The following IAPP variants were observed in gnomAD, a reference collection of about 807,000 sequenced individuals.
IAPP encodes islet amyloid polypeptide.
A neutral mutation model predicts 2.9 loss-of-function variants in IAPP; 4 were observed. That is an observed-to-expected ratio of 1.39 (90% CI 0.69 to 3.19). The LOEUF is 3.19. IAPP is among the 30% of genes most tolerant of loss of function. The pLI is 0.01. For missense variants in IAPP, 114 were observed against 105.3 expected (o/e 1.08, Z -0.36); for synonymous variants, 40 against 42.1 (o/e 0.95, Z 0.19).
At position 21,379,931 on chromosome 12, in the gene IAPP, T is replaced by C. The variant is rs1281466033; in HGVS notation, c.*1505T>C. On this transcript the variant is annotated 3_prime_UTR_variant, in exon 3 of 3. Coordinates refer to ENST00000240652, the MANE Select transcript of IAPP (RefSeq NM_000415.3). ...AGGGAAATATATTTATAATAAATTC[T>C]ATGTCATGAATTACATATTGAAATA... 6.6e-6 allele frequency: 1 copy of C among 152,148 alleles called. No individual in the cohort carries two copies. The highest frequency in any genetic ancestry group is 1.5e-5 in the Non-Finnish European group (1 of 68,018). 9.4% of individuals were successfully genotyped at this position (152,148 alleles called of 1,614,324 possible).
At chr12:21,375,283 T>C (rs985721173) in intron 2 of IAPP, among the ~76,000 whole-genome samples, 2 of 152,244 alleles carry the variant, frequency 1.3e-5, no homozygotes, top group Non-Finnish European at 2.9e-5. Context: ...AATTGCTTTT[T>C]AATATGTTGC....
chr12:21,375,541 ATACT>A (rs1185184558), intron 2 of IAPP, among the ~76,000 whole-genome samples: 2 of 152,232 alleles, frequency 1.3e-5, no homozygotes, highest in Non-Finnish European at 2.9e-5. Flanking sequence ...AAAGGATCAC[ATACT>A]TTCCCACCAA....
At chr12:21,364,656 T>G (rs572297350) in intron 1 of IAPP, among the ~76,000 whole-genome samples, 1 of 152,150 alleles carries the variant, frequency 6.6e-6, no homozygotes, top group African/African-American at 2.4e-5. Context: ...CCCCAACATC[T>G]CAGCCCAAAA....
At chr12:21,358,970 T>C (rs755251525) in intron 1 of IAPP, among the ~76,000 whole-genome samples, 5 of 152,146 alleles carry the variant, frequency 3.3e-5, no homozygotes, top group Admixed American at 6.5e-5. Flanking sequence ...ATTTGGAAGG[T>C]GGCAAAAGAC....
chr12:21,374,694 G>A (rs1005393456), intron 2 of IAPP, among the ~76,000 whole-genome samples: 1 of 152,160 alleles, frequency 6.6e-6, no homozygotes, highest in East Asian at 1.9e-4. Context: ...ATATCTGAAT[G>A]ATGACAGGAA....
At chr12:21,359,089 G>T (rs1441711021) in intron 1 of IAPP, among the ~76,000 whole-genome samples, 1 of 152,092 alleles carries the variant, frequency 6.6e-6, no homozygotes, top group East Asian at 1.9e-4. Context: ...GGGATTTTTA[G>T]ACCCCAGAAA....
chr12:21,356,203 T>C (rs1938351674), intron 1 of IAPP, among the ~76,000 whole-genome samples: 1 of 152,136 alleles, frequency 6.6e-6, no homozygotes, highest in Admixed American at 6.5e-5. Context: ...TGATGGTTTA[T>C]GTAAGAATTA....
intron 1 of IAPP, among the ~76,000 whole-genome samples, chr12:21,361,512 T>G (rs983788782): frequency 1.3e-5 from 2 of 152,136 alleles, no homozygotes; most frequent in Non-Finnish European, 2.9e-5. Context: ...TCCTTGCCAG[T>G]AATGGAACAA....
intron 2 of IAPP, chr12:21,373,744 C>G: frequency 1.4e-6 from 1 of 700,508 alleles, no homozygotes; most frequent in African/African-American, 1.7e-5. Flanking sequence ...GTAGTAATTT[C>G]TTCTATATTA....
intron 1 of IAPP, among the ~76,000 whole-genome samples, chr12:21,361,366 C>A (rs189503288): frequency 1.7e-4 from 26 of 152,280 alleles, no homozygotes; most frequent in Admixed American, 1.6e-3. Context: ...AGGACATCCA[C>A]ACCAAAACCC....
At chr12:21,373,470 T>A in intron 2 of IAPP, 39 bp downstream of exon 2, 1 of 1,389,074 alleles carries the variant, frequency 7.2e-7, no homozygotes, top group Non-Finnish European at 1.0e-6. Flanking sequence ...GTAACTTTTG[T>A]AAAGTGTGAG....
chr12:21,373,400 T>C lies in IAPP; in HGVS notation c.49T>C (p.Leu17=), dbSNP rs548820504. Residue 17 remains leucine, a synonymous_variant, in exon 2 of 3, where the codon TTG becomes CTG. Coordinates refer to ENST00000240652, the MANE Select transcript of IAPP (RefSeq NM_000415.3). ...ATTTCTCATTGTGCTCTCTGTTGCA[T>C]TGAACCATCTGAAAGCTACACCCAT... is the stretch of plus-strand genomic sequence containing the variant. ...QVFLIVLSVA[L]NHLKATPIES... The C allele has an allele frequency of 3.6e-5, 58 of 1,613,576 alleles. No homozygotes were observed. The highest frequency in any genetic ancestry group is 3.3e-4 in the Middle Eastern group (2 of 6,058).
chr12:21,373,824 G>T, intron 2 of IAPP: 1 of 587,600 alleles, frequency 1.7e-6, no homozygotes, highest in Non-Finnish European at 3.0e-6. Flanking sequence ...GATTCTTTTT[G>T]TATATATTAC....
At chr12:21,364,202 A>C (rs1939181562) in intron 1 of IAPP, among the ~76,000 whole-genome samples, 1 of 152,214 alleles carries the variant, frequency 6.6e-6, no homozygotes, top group Admixed American at 6.5e-5. Flanking sequence ...ATCCACCATG[A>C]TCAAGTTGGC....
At chr12:21,369,919 A>G (rs1320245068), upstream of IAPP, among the ~76,000 whole-genome samples, 3 of 152,154 alleles carry the variant, frequency 2.0e-5, no homozygotes, top group African/African-American at 7.2e-5. Context: ...GAGCATGTAA[A>G]CTCTGAAGCT....
At chr12:21,369,352 G>T (rs1939621197), upstream of IAPP, among the ~76,000 whole-genome samples, 1 of 152,116 alleles carries the variant, frequency 6.6e-6, no homozygotes, top group African/African-American at 2.4e-5. Context: ...AAGGCCTCAT[G>T]ATCTCACTGA....
At chr12:21,370,887 T>C (rs1173436908), upstream of IAPP, among the ~76,000 whole-genome samples, 2 of 152,158 alleles carry the variant, frequency 1.3e-5, no homozygotes, top group African/African-American at 4.8e-5. Flanking sequence ...AACTGGGGCT[T>C]AGCCCTCAAG....
At chr12:21,371,077 C>T (rs1413162321), upstream of IAPP, among the ~76,000 whole-genome samples, 1 of 152,154 alleles carries the variant, frequency 6.6e-6, no homozygotes, top group Admixed American at 6.5e-5. Flanking sequence ...CATATTTATA[C>T]CCACTTTTAA....
chr12:21,357,734 T>C (rs1421578002), intron 1 of IAPP, among the ~76,000 whole-genome samples: 4 of 152,176 alleles, frequency 2.6e-5, no homozygotes, highest in Non-Finnish European at 5.9e-5. Context: ...TTTGTTTTTA[T>C]CTGGAGGAAT....
Sources: gnomAD v4.1 joint callset for allele counts (sites outside exome capture counted in the v4.1 genomes callset) on GRCh38, gnomAD v4.1.1 for gene constraint, MANE v1.5 for transcripts, NCBI Gene and HGNC (gene_info 2026-07-23, HGNC 2026-07-21) for gene names.